Variants in ZNF892 observed in about 807,000 individuals in gnomAD.
ZNF892 encodes the protein zinc finger protein 570-like.
chr2:95,217,714 C>T, the ZNF892 span, among the ~76,000 whole-genome samples: 1 of 152,172 alleles, frequency 6.6e-6, no homozygotes, highest in Non-Finnish European at 1.5e-5. Flanking sequence ...TTCGTCAGAT[C>T]TTGTGAGAAT....
the ZNF892 span, among the ~76,000 whole-genome samples, chr2:95,237,151 T>A: frequency 2.0e-5 from 3 of 151,554 alleles, no homozygotes; most frequent in Non-Finnish European, 2.9e-5. Flanking sequence ...CTTTTTTTTT[T>A]TTTTTTTTAT....
At chr2:95,245,456 G>GA in the ZNF892 span, among the ~76,000 whole-genome samples, 8 of 104,446 alleles carry the variant, frequency 7.7e-5, no homozygotes, top group East Asian at 2.4e-4. Context: ...ACGGCGGGGG[G>GA]GGGGGGGTTT....
the ZNF892 span, among the ~76,000 whole-genome samples, chr2:95,256,706 C>A: frequency 6.6e-6 from 1 of 152,238 alleles, no homozygotes; most frequent in African/African-American, 2.4e-5. Flanking sequence ...CTTTCAGATA[C>A]ACCAATCAGA....
At chr2:95,215,331 A>C in the ZNF892 span, 5 of 466,942 alleles carry the variant, frequency 1.1e-5, no homozygotes, top group Admixed American at 7.4e-5. Context: ...CTCAGCCCTT[A>C]TTCGTCATCA....
At chr2:95,228,939 A>AG in the ZNF892 span, among the ~76,000 whole-genome samples, 299 of 152,328 alleles carry the variant, frequency 2.0e-3, 10 homozygotes, top group East Asian at 0.056. Flanking sequence ...AAGGCTAATC[A>AG]GAAACTCAAA....
the ZNF892 span, chr2:95,259,527 A>G: frequency 6.6e-6 from 1 of 152,324 alleles, no homozygotes; most frequent in East Asian, 1.9e-4. Context: ...CAGCCTGCTC[A>G]TCAGAATTAG....
the ZNF892 span, among the ~76,000 whole-genome samples, chr2:95,236,280 G>A: frequency 6.6e-6 from 1 of 152,188 alleles, no homozygotes; most frequent in African/African-American, 2.4e-5. Flanking sequence ...CAGAATTCTG[G>A]AGGAATCAAG....
At chr2:95,226,560 A>T in the ZNF892 span, among the ~76,000 whole-genome samples, 43 of 152,286 alleles carry the variant, frequency 2.8e-4, no homozygotes, top group Admixed American at 1.9e-3. Flanking sequence ...TGGCCTTAGT[A>T]TGTAGGGATT....
the ZNF892 span, among the ~76,000 whole-genome samples, chr2:95,241,031 C>G: frequency 1.3e-5 from 2 of 152,200 alleles, no homozygotes; most frequent in African/African-American, 4.8e-5. Context: ...AGGGGAGGGA[C>G]AGCTATCTCT....
chr2:95,207,887 G>C, the ZNF892 span: 3 of 398,600 alleles, frequency 7.5e-6, no homozygotes, highest in Admixed American at 1.3e-4. Context: ...GGGAGAAAGG[G>C]AGAAAGGCTA....
At chr2:95,215,471 A>T in the ZNF892 span, 1 of 436,576 alleles carries the variant, frequency 2.3e-6, no homozygotes, top group Non-Finnish European at 4.1e-6. Flanking sequence ...AGGAATGTGG[A>T]AAAGCCTTTA....
At chr2:95,250,600 TAAATTTATAAATATAA>T in the ZNF892 span, among the ~76,000 whole-genome samples, 1 of 98,596 alleles carries the variant, frequency 1.0e-5, no homozygotes, top group Admixed American at 1.1e-4. Flanking sequence ...TCATAAATTA[TAAATTTATAAATATAA>T]ACTATTCATA....
chr2:95,235,816 A>C, the ZNF892 span, among the ~76,000 whole-genome samples: 1 of 152,218 alleles, frequency 6.6e-6, no homozygotes, highest in Non-Finnish European at 1.5e-5. Flanking sequence ...ATGACTCCAA[A>C]TCAGAAGGGC....
the ZNF892 span, among the ~76,000 whole-genome samples, chr2:95,246,731 C>A: frequency 6.6e-6 from 1 of 151,976 alleles, no homozygotes; most frequent in Non-Finnish European, 1.5e-5. Context: ...TAGCAGAGAG[C>A]CAAATCATGA....
At chr2:95,215,217 G>A in the ZNF892 span, 1 of 458,160 alleles carries the variant, frequency 2.2e-6, no homozygotes. Context: ...TAACGAATGT[G>A]GGAAAGCCTT....
chr2:95,208,385 G>T, the ZNF892 span, among the ~76,000 whole-genome samples: 8,309 of 152,300 alleles, frequency 0.055, 331 homozygotes, highest in Middle Eastern at 0.12. Flanking sequence ...GTATTATTTT[G>T]ACTACTTAGC....
chr2:95,227,097 TCCCTC>T, the ZNF892 span, among the ~76,000 whole-genome samples: 2 of 145,792 alleles, frequency 1.4e-5, no homozygotes, highest in African/African-American at 2.6e-5. Flanking sequence ...TCCTCTCTCC[TCCCTC>T]CCCTCCCCTC....
chr2:95,247,909 C>A, the ZNF892 span, among the ~76,000 whole-genome samples: 1 of 152,144 alleles, frequency 6.6e-6, no homozygotes, highest in East Asian at 1.9e-4. Flanking sequence ...TTAGTTCAGC[C>A]ATTATGGAAA....
chr2:95,253,523 C>T, the ZNF892 span, among the ~76,000 whole-genome samples: 1 of 152,184 alleles, frequency 6.6e-6, no homozygotes, highest in Non-Finnish European at 1.5e-5. Flanking sequence ...CGCGAGATGC[C>T]TCCATCTTTG....
Sources: gnomAD v4.1 joint callset for allele counts (sites outside exome capture counted in the v4.1 genomes callset) on GRCh38, gnomAD v4.1.1 for gene constraint, MANE v1.5 for transcripts, NCBI Gene and HGNC (gene_info 2026-07-23, HGNC 2026-07-21) for gene names.